The following XPR1 variants were observed in gnomAD, a reference collection of about 807,000 sequenced individuals.
The protein encoded by XPR1 is xenotropic and polytropic retrovirus receptor 1, also known as solute carrier family 53 member 1.
A neutral mutation model predicts 87.5 loss-of-function variants in XPR1; 28 were observed. The observed-to-expected ratio is 0.32, with a 90% CI of 0.24 to 0.44. The LOEUF (loss-of-function observed/expected upper bound fraction) is 0.44, where lower values mean the gene tolerates loss of function less well. Among genes scored for constraint, XPR1 ranks in the 20% least tolerant of loss-of-function variants. XPR1 has a pLI of 1.00. For missense variants in XPR1, 559 were observed against 862.3 expected (o/e 0.65, Z 4.41); for synonymous variants, 300 against 306.1 (o/e 0.98, Z 0.21).
At chr1:180,688,050 T>A (rs900619820) in intron 2 of XPR1, among the ~76,000 whole-genome samples, 1 of 86,856 alleles carries the variant, frequency 1.2e-5, no homozygotes, top group South Asian at 3.0e-4. Flanking sequence ...ATGTTATTAA[T>A]TTTTTTTTTT....
intron 2 of XPR1, among the ~76,000 whole-genome samples, chr1:180,743,951 C>A (rs932850657): frequency 2.6e-5 from 4 of 152,174 alleles, no homozygotes; most frequent in African/African-American, 7.2e-5. Flanking sequence ...TGGCCTTGGA[C>A]TTCTTTGGAT....
At chr1:180,861,147 A>C (rs922870312) in intron 11 of XPR1, among the ~76,000 whole-genome samples, 1 of 152,136 alleles carries the variant, frequency 6.6e-6, no homozygotes, top group African/African-American at 2.4e-5. Context: ...CTATTACTCT[A>C]TTCTCATGTC....
At chr1:180,757,201 T>A (rs1163387586) in intron 2 of XPR1, among the ~76,000 whole-genome samples, 1 of 152,180 alleles carries the variant, frequency 6.6e-6, no homozygotes, top group East Asian at 1.9e-4. Flanking sequence ...AAAGTAGGGG[T>A]GACATTTCAA....
At chr1:180,701,381 A>G (rs1402403514) in intron 2 of XPR1, among the ~76,000 whole-genome samples, 8 of 100,820 alleles carry the variant, frequency 7.9e-5, no homozygotes, top group East Asian at 2.4e-4. Flanking sequence ...ATTATTTTGA[A>G]ATACGTCCCA....
chr1:180,827,153 C>CAAAAAAAAAAAAAAAAAAAAAAAAAA (rs11324246), intron 9 of XPR1, among the ~76,000 whole-genome samples: 1 of 66,894 alleles, frequency 1.5e-5, no homozygotes. Context: ...GACTCCTTCT[C>CAAAAAAAAAAAAAAAAAAAAAAAAAA]AAAAAAAAAA....
chr1:180,884,722 T>A lies in XPR1; in HGVS notation c.*656T>A, dbSNP rs1314660702. ...TGAAACTTAACCATACAGAATGATA[T>A]AACTCCTGTGCAATGAAGGTGATAA... On this transcript the variant is annotated 3_prime_UTR_variant, in exon 15 of 15. Coordinates refer to ENST00000367590, the MANE Select transcript of XPR1 (RefSeq NM_004736.4). 3 of 152,792 alleles carry A rather than the reference T, an allele frequency of 2.0e-5. No individual in the cohort carries two copies. The East Asian group carries it at 5.8e-4, about 29-fold the overall frequency. The allele number at this position is 152,792 out of a possible 1,614,324, so 9.5% of individuals were successfully genotyped here.
chr1:180,693,236 G>A (rs1265927678), intron 2 of XPR1, among the ~76,000 whole-genome samples: 3 of 152,178 alleles, frequency 2.0e-5, no homozygotes, highest in South Asian at 4.1e-4. Flanking sequence ...CAAAGTAAGG[G>A]AAGTTCCTTT....
chr1:180,637,796 C>T (rs887059137), intron 1 of XPR1, among the ~76,000 whole-genome samples: 3 of 152,134 alleles, frequency 2.0e-5, no homozygotes, highest in African/African-American at 4.8e-5. Flanking sequence ...TCACGTGATC[C>T]GCCTGCCTCA....
At chr1:180,861,951 A>G (rs1487940443) in intron 11 of XPR1, among the ~76,000 whole-genome samples, 1 of 152,166 alleles carries the variant, frequency 6.6e-6, no homozygotes, top group Non-Finnish European at 1.5e-5. Flanking sequence ...TACAATAAAT[A>G]CATCCAACCT....
At chr1:180,791,661 ATGTG>A (rs1055953900) in intron 3 of XPR1, among the ~76,000 whole-genome samples, 28 of 152,350 alleles carry the variant, frequency 1.8e-4, no homozygotes, top group African/African-American at 6.7e-4. Flanking sequence ...ATGCATCTAT[ATGTG>A]TGTGACTACA....
chr1:180,813,187 T>C (rs1449777053), intron 7 of XPR1, among the ~76,000 whole-genome samples: 1 of 142,546 alleles, frequency 7.0e-6, no homozygotes, highest in African/African-American at 2.6e-5. Context: ...TATTATATTG[T>C]CATCTTCCCC....
At chr1:180,759,656 A>G (rs1282509507) in intron 2 of XPR1, among the ~76,000 whole-genome samples, 2 of 152,218 alleles carry the variant, frequency 1.3e-5, no homozygotes, top group Non-Finnish European at 2.9e-5. Flanking sequence ...CCAGGACCAG[A>G]TGGATTCACA....
At chr1:180,715,380 A>T (rs1047267346) in intron 2 of XPR1, among the ~76,000 whole-genome samples, 1 of 152,150 alleles carries the variant, frequency 6.6e-6, no homozygotes, top group African/African-American at 2.4e-5. Context: ...CGAATCTTGG[A>T]CTCATAGAAT....
intron 2 of XPR1, among the ~76,000 whole-genome samples, chr1:180,767,397 A>G (rs905706105): frequency 1.3e-5 from 2 of 152,226 alleles, no homozygotes; most frequent in African/African-American, 2.4e-5. Context: ...AAGCGAGAAT[A>G]AACTGTTGAA....
intron 2 of XPR1, among the ~76,000 whole-genome samples, chr1:180,767,989 C>T (rs1171509339): frequency 3.3e-5 from 5 of 152,018 alleles, no homozygotes; most frequent in South Asian, 2.1e-4. Context: ...GGACTACAGG[C>T]GCCCGCCACC....
chr1:180,681,015 C>A (rs1656559165), intron 1 of XPR1, among the ~76,000 whole-genome samples: 1 of 151,990 alleles, frequency 6.6e-6, no homozygotes, highest in Non-Finnish European at 1.5e-5. Context: ...TAGTTGATCT[C>A]ATAGAAATAA....
At chr1:180,669,539 A>G (rs1269353460) in intron 1 of XPR1, among the ~76,000 whole-genome samples, 2 of 151,966 alleles carry the variant, frequency 1.3e-5, no homozygotes, top group Non-Finnish European at 2.9e-5. Context: ...ATGCACCACC[A>G]TTTAGTAGAG....
intron 4 of XPR1, among the ~76,000 whole-genome samples, chr1:180,805,560 A>T (rs554959797): frequency 6.6e-6 from 1 of 152,304 alleles, no homozygotes; most frequent in East Asian, 1.9e-4. Context: ...GCACTAGATG[A>T]TCTTCCATTT....
intron 2 of XPR1, among the ~76,000 whole-genome samples, chr1:180,781,188 G>A (rs1648922687): frequency 6.6e-6 from 1 of 151,014 alleles, no homozygotes; most frequent in South Asian, 2.1e-4. Context: ...CTTTAATAAA[G>A]TATCATATTT....
Sources: gnomAD v4.1 joint callset for allele counts (sites outside exome capture counted in the v4.1 genomes callset) on GRCh38, gnomAD v4.1.1 for gene constraint, MANE v1.5 for transcripts, NCBI Gene and HGNC (gene_info 2026-07-23, HGNC 2026-07-21) for gene names.